CFAP69: variants seen among roughly 807,000 people sequenced by gnomAD.
The protein encoded by CFAP69 is cilia and flagella associated protein 69.
Under a neutral mutation model 123.0 loss-of-function variants are expected in CFAP69, and 92 were observed. The ratio of observed to expected loss-of-function variants is 0.75; its 90% confidence interval spans 0.63 to 0.89. The LOEUF is 0.89. CFAP69 is among the 40% of genes least tolerant of loss of function. The probability of loss-of-function intolerance (pLI) is 0.00; values close to 1 mark genes in which losing one functional copy is unlikely to be tolerated. For missense variants in CFAP69, 1,067 were observed against 1,096.9 expected (o/e 0.97, Z 0.39); for synonymous variants, 380 against 364.3 (o/e 1.04, Z -0.49).
At chr7:90,290,180 T>C (rs1790920110) in intron 15 of CFAP69, among the ~76,000 whole-genome samples, 1 of 152,104 alleles carries the variant, frequency 6.6e-6, no homozygotes, top group African/African-American at 2.4e-5. Context: ...TTGAGATTTA[T>C]CATAAGGAAT....
intron 14 of CFAP69, among the ~76,000 whole-genome samples, chr7:90,287,981 AT>A (rs1293512755): frequency 6.6e-6 from 1 of 152,108 alleles, no homozygotes; most frequent in African/African-American, 2.4e-5. Flanking sequence ...AAAACAAAAA[AT>A]ATCAAGGGAT....
intron 5 of CFAP69, chr7:90,266,092 G>A (rs940250526): frequency 6.6e-6 from 1 of 151,968 alleles, no homozygotes; most frequent in Non-Finnish European, 1.5e-5. Flanking sequence ...TTGATCCAGT[G>A]CATTTTTAAA....
rs1361133527 is a variant in CFAP69, at chr7:90,265,364, A to G, written c.420A>G (p.Ser140=). 1.9e-6 allele frequency: 3 copies of G among 1,609,416 alleles called. No individual in the cohort carries two copies. Among genetic ancestry groups the G allele is most frequent in the East Asian group, 2.2e-5 (1 of 44,646 alleles). The change falls in exon 5 of 23, where the codon TCA becomes TCG. Residue 140 remains serine, a synonymous_variant. Transcript: ENST00000389297. ...CTTATGCTGAAGATACTGCTAATTC[A>G]ATTGCACTTCTGGGTAAGTTAAGAT... ...EITYAEDTAN[S]IALLGDLMKI... is the part of the protein sequence containing the mutation.
intron 4 of CFAP69, among the ~76,000 whole-genome samples, chr7:90,264,875 C>A (rs1048914222): frequency 2.6e-5 from 4 of 152,030 alleles, no homozygotes; most frequent in Admixed American, 2.6e-4. Context: ...CTCACTGCAA[C>A]CTCCGCCTCC....
chr7:90,291,798 A>G (rs73707439), intron 15 of CFAP69, among the ~76,000 whole-genome samples: 2,306 of 152,276 alleles, frequency 0.015, 76 homozygotes, highest in African/African-American at 0.053. Flanking sequence ...GAGTTCTGAC[A>G]GAAGGTGATA....
At chr7:90,288,465 CA>C in intron 15 of CFAP69, 113 bp downstream of exon 15, 1 of 1,225,660 alleles carries the variant, frequency 8.2e-7, no homozygotes, top group Non-Finnish European at 1.1e-6. Context: ...CTTATGCAAA[CA>C]TTATAGGATG....
intron 1 of CFAP69, 121 bp downstream of exon 1, chr7:90,245,665 G>C: frequency 1.6e-6 from 2 of 1,258,412 alleles, no homozygotes; most frequent in Non-Finnish European, 2.1e-6. Context: ...GGGGGAAGCC[G>C]CGGGATGGAG....
Position 90,249,070 on chromosome 7 carries a change from A to T in CFAP69, c.120+3526A>T, listed in dbSNP as rs550072933. Reference sequence around the variant, plus strand: ...AAATTCAGATGATATTTACAGGGTTATATGGTTTGGCTTTGTGTCCCCACC... The same window carrying T: ...AAATTCAGATGATATTTACAGGGTTTTATGGTTTGGCTTTGTGTCCCCACC... On this transcript the variant is annotated intron_variant, in intron 1 of 22. Transcript: ENST00000389297. Among the ~76,000 whole-genome samples the T allele has an allele frequency of 3.9e-5, 6 of 152,272 alleles. No individual in the cohort carries two copies. In the South Asian group the frequency reaches 1.2e-3, roughly 32 times the overall value.
chr7:90,284,241 T>C (rs901814230), intron 13 of CFAP69, among the ~76,000 whole-genome samples: 10 of 152,122 alleles, frequency 6.6e-5, no homozygotes, highest in Admixed American at 5.9e-4. Flanking sequence ...CCTTGTCTTA[T>C]TGAGTCTAAC....
At chr7:90,299,846 T>G (rs1792519134) in intron 16 of CFAP69, 21 bp from the exon 17 acceptor site, 4 of 1,560,928 alleles carry the variant, frequency 2.6e-6, no homozygotes, top group Admixed American at 3.9e-5. Flanking sequence ...ACTTTTTTCC[T>G]TTTCTGTTTC....
At chr7:90,272,556 T>C (rs1341268315) in intron 8 of CFAP69, among the ~76,000 whole-genome samples, 1 of 152,164 alleles carries the variant, frequency 6.6e-6, no homozygotes. Flanking sequence ...AGTCAGCACA[T>C]TTTTGTTTGC....
intron 6 of CFAP69, among the ~76,000 whole-genome samples, chr7:90,269,831 T>C (rs1164908477): frequency 1.3e-5 from 2 of 152,050 alleles, no homozygotes; most frequent in Non-Finnish European, 2.9e-5. Context: ...GTTTTGTTGT[T>C]TTTAGGATAG....
At chr7:90,313,313 C>T (rs538875720), downstream of CFAP69, among the ~76,000 whole-genome samples, 2 of 152,218 alleles carry the variant, frequency 1.3e-5, no homozygotes, top group Non-Finnish European at 2.9e-5. Context: ...CCAACACAAC[C>T]TTAACTTACA....
In CFAP69 at chr7:90,245,507, C is replaced by T. The variant is rs1796214752; in HGVS notation, c.83C>T (p.Pro28Leu). Residue 28 changes from proline (P) to leucine (L), a missense_variant, in exon 1 of 23, where the codon CCG (proline) becomes CTG (leucine). By Grantham distance (98) the Pro-to-Leu change is moderately conservative. Transcript: ENST00000389297. Reference sequence around the variant, plus strand: ...AAGTCTAGCAGTTCCAGTCAAATCCCGGTGGTTGGGGTGGTGACGGAGGAC... The same window carrying T: ...AAGTCTAGCAGTTCCAGTCAAATCCTGGTGGTTGGGGTGGTGACGGAGGAC... ...RNKSSSSSQIPVVGVVTEDDE... is the reference protein window; with the variant it reads ...RNKSSSSSQILVVGVVTEDDE... The T allele has an allele frequency of 6.5e-7, 1 of 1,529,204 alleles. No individual in the cohort carries two copies. The highest frequency in any genetic ancestry group is 8.8e-7 in the Non-Finnish European group (1 of 1,141,746). The allele number at this position is 1,529,204 out of a possible 1,614,324, so 94.7% of individuals were successfully genotyped here. A position where few individuals can be genotyped will look rare whatever the true frequency, so the allele number is the denominator to read the frequency against.
chr7:90,304,750 A>G lies in CFAP69; in HGVS notation c.2195A>G (p.Glu732Gly). ...IYAILGKLDFENLPGLSAEDF... is the reference protein window; with the variant it reads ...IYAILGKLDFGNLPGLSAEDF... Reference sequence around the variant, plus strand: ...TTTATAAACTTTATTTTAGATTTTGAAAATTTACCTGGCCTATCTGCTGAA... The same window carrying G: ...TTTATAAACTTTATTTTAGATTTTGGAAATTTACCTGGCCTATCTGCTGAA... The change falls in exon 19 of 23, where the codon GAA (glutamate) becomes GGA (glycine). Residue 732 changes from glutamate (E) to glycine (G), a missense_variant. Glu to Gly is a moderately conservative substitution (Grantham distance 98). Transcript: ENST00000389297. The G allele has an allele frequency of 6.2e-7, 1 of 1,600,456 alleles. No individual in the cohort carries two copies. The highest frequency in any genetic ancestry group is 8.5e-7 in the Non-Finnish European group (1 of 1,174,330).
intron 6 of CFAP69, 136 bp from the exon 7 acceptor site, chr7:90,271,390 T>C: frequency 1.1e-6 from 1 of 876,942 alleles, no homozygotes. Context: ...CCCATCCCTA[T>C]GCTGCGCAAT....
At chr7:90,260,850 G>T (rs769712909) in intron 3 of CFAP69, among the ~76,000 whole-genome samples, 31 of 151,960 alleles carry the variant, frequency 2.0e-4, no homozygotes, top group Admixed American at 2.6e-4. Context: ...CCTCTCATAG[G>T]CTGGCTATAG....
chr7:90,299,938 A>C lies in CFAP69; in HGVS notation c.1929A>C (p.Ala643=). The C allele has an allele frequency of 6.2e-7, 1 of 1,611,784 alleles. No homozygotes were observed. The highest frequency in any genetic ancestry group is 8.5e-7 in the Non-Finnish European group (1 of 1,178,652). Residue 643 remains alanine, a synonymous_variant, in exon 17 of 23, where the codon GCA becomes GCC. Transcript: ENST00000389297. ...MVEFCDNPKT[A]AHVNAWQGKK... is the part of the protein sequence containing the mutation. ...AATTTTGTGATAATCCCAAAACTGCAGCTCATGTCAATGCTTGGCAAGGGA... is the reference window on the plus strand; with the variant it reads ...AATTTTGTGATAATCCCAAAACTGCCGCTCATGTCAATGCTTGGCAAGGGA...
intron 9 of CFAP69, 147 bp downstream of exon 9, chr7:90,274,257 C>T: frequency 1.1e-6 from 1 of 950,466 alleles, no homozygotes. Context: ...GTGTGCTTAT[C>T]ACTCTGCCAA....
Sources: gnomAD v4.1 joint callset for allele counts (sites outside exome capture counted in the v4.1 genomes callset) on GRCh38, gnomAD v4.1.1 for gene constraint, MANE v1.5 for transcripts, NCBI Gene and HGNC (gene_info 2026-07-23, HGNC 2026-07-21) for gene names.